BIRC3: variants seen among roughly 807,000 people sequenced by gnomAD.
BIRC3 encodes baculoviral IAP repeat-containing protein 3.
Under a neutral mutation model 59.0 loss-of-function variants are expected in BIRC3, and 26 were observed. The ratio of observed to expected loss-of-function variants is 0.44; its 90% CI spans 0.32 to 0.61. The LOEUF (loss-of-function observed/expected upper bound fraction) is 0.61, where lower values mean the gene tolerates loss of function less well. BIRC3 is among the 20% of genes least tolerant of loss of function. BIRC3 has a pLI of 0.04. For synonymous variants in BIRC3, 243 were observed against 249.2 expected (o/e 0.98, Z 0.24); for missense variants, 641 against 711.5 (o/e 0.90, Z 1.13).
rs1951230326 is a variant in BIRC3 at position 102,339,186 on chromosome 11, G to A, written c.*2084G>A. On this transcript the variant is annotated 3_prime_UTR_variant, in exon 9 of 9. Coordinates refer to ENST00000263464, the MANE Select transcript of BIRC3 (RefSeq NM_001165.5). ...AACTCAGGTATAGGGTATTTAAATA[G>A]TAGGCACCCTTTTTGCACCATGTGT... 1 of 194,388 alleles carries A rather than the reference G, an allele frequency of 5.1e-6. No individual in the cohort carries two copies. The highest frequency in any genetic ancestry group is 2.5e-5 in the African/African-American group (1 of 40,630). The allele number at this position is 194,388 out of a possible 1,614,324, so 12.0% of individuals were successfully genotyped here.
chr11:102,318,224 T>A (rs183117715), intron 1 of BIRC3, among the ~76,000 whole-genome samples: 2 of 152,238 alleles, frequency 1.3e-5, no homozygotes. Flanking sequence ...ATCATAATCT[T>A]AAGAAGCAGG....
Position 102,336,809 on chromosome 11 carries a change from T to C in BIRC3, c.1621+8T>C, listed in dbSNP as rs776253125. 3.1e-6 allele frequency: 5 copies of C among 1,604,162 alleles called. No homozygotes were observed. The South Asian group carries it at 5.6e-5, about 18-fold the overall frequency. ...CCACAGAAGATGTTTCAGGTAATAG[T>C]ACTAATATTTTAAATCAATAGAGAA... is the stretch of plus-strand genomic sequence containing the variant. On this transcript the variant is annotated splice_region_variant and intron_variant, in intron 8 of 8. Coordinates refer to ENST00000263464, the MANE Select transcript of BIRC3 (RefSeq NM_001165.5).
At chr11:102,320,311 A>G (rs1273880364) in intron 1 of BIRC3, 1 of 152,074 alleles carries the variant, frequency 6.6e-6, no homozygotes, top group African/African-American at 2.4e-5. Context: ...CCCAGTTTGG[A>G]GTGCAGTTAT....
At chr11:102,320,568 T>C (rs1302163656) in intron 1 of BIRC3, among the ~76,000 whole-genome samples, 2 of 152,206 alleles carry the variant, frequency 1.3e-5, no homozygotes, top group Non-Finnish European at 2.9e-5. Flanking sequence ...TGAGGCCTTG[T>C]GGGGTGTCTC....
Position 102,323,340 on chromosome 11 carries a change from G to T in BIRC3, c.-1170G>T, listed in dbSNP as rs1951049710. ...GAATATAGCAATGAAGTTCAGTTTT[G>T]TTATTGGTAGTTTGGGCAGAGTCTC... is the stretch of plus-strand genomic sequence containing the variant. On this transcript the variant is annotated 5_prime_UTR_variant, in exon 2 of 9. Coordinates refer to ENST00000263464, the MANE Select transcript of BIRC3 (RefSeq NM_001165.5). The T allele has an allele frequency of 5.2e-6, 1 of 192,930 alleles. No homozygotes were observed. Among genetic ancestry groups the T allele is most frequent in the Admixed American group, 6.1e-5 (1 of 16,346 alleles). The allele number at this position is 192,930 out of a possible 1,614,324, so 12.0% of individuals were successfully genotyped here.
At position 102,322,569 on chromosome 11, in the gene BIRC3, T is replaced by C. The variant is rs1951041606; in HGVS notation, c.-1941T>C. Reference sequence around the variant, plus strand: ...AAATTAATATAAAGACAGTGATGAATACAAAGAAGATTTTTATAACAATGT... The same window carrying C: ...AAATTAATATAAAGACAGTGATGAACACAAAGAAGATTTTTATAACAATGT... On this transcript the variant is annotated 5_prime_UTR_variant, in exon 2 of 9. Coordinates refer to ENST00000263464, the MANE Select transcript of BIRC3 (RefSeq NM_001165.5). 1 of 205,916 alleles carries C rather than the reference T, an allele frequency of 4.9e-6. No homozygotes were observed. Among genetic ancestry groups the C allele is most frequent in the East Asian group, 7.5e-5 (1 of 13,416 alleles). 12.8% of individuals were successfully genotyped at this position (205,916 alleles called of 1,614,324 possible). A position where few individuals can be genotyped will look rare whatever the true frequency, so the allele number is the denominator to read the frequency against.
rs1014989908 is a variant in BIRC3, at chr11:102,322,400, T to G, written c.-2110T>G. ...GAAGTAAAAAGATAAATGTGATGAT[T>G]GGTCAAGAAATTATCCAGTTATTTA... On this transcript the variant is annotated 5_prime_UTR_variant, in exon 2 of 9. The change creates a new upstream start codon in the 5' untranslated region. Transcript: ENST00000263464. The G allele has an allele frequency of 4.8e-6, 1 of 207,178 alleles. No individual in the cohort carries two copies. The highest frequency in any genetic ancestry group is 9.8e-6 in the Non-Finnish European group (1 of 101,576). The allele number at this position is 207,178 out of a possible 1,614,324, so 12.8% of individuals were successfully genotyped here.
intron 5 of BIRC3, among the ~76,000 whole-genome samples, chr11:102,329,851 G>A (rs941972302): frequency 7.9e-5 from 12 of 152,162 alleles, no homozygotes; most frequent in African/African-American, 2.4e-4. Flanking sequence ...ACGAGTTAAC[G>A]GGTGCAGCAC....
Position 102,337,721 on chromosome 11 carries a change from A to C in BIRC3, c.*619A>C, listed in dbSNP as rs1676704879. ...GTGAGAAAAAATTTAATAAAGCAAC[A>C]AAAATTACTCTTATTCTTCATTGCT... On this transcript the variant is annotated 3_prime_UTR_variant, in exon 9 of 9. Transcript: ENST00000263464. The C allele has an allele frequency of 3.8e-6, 1 of 264,508 alleles. No homozygotes were observed. The highest frequency in any genetic ancestry group is 1.7e-4 in the South Asian group (1 of 5,794). 16.4% of individuals were successfully genotyped at this position (264,508 alleles called of 1,614,324 possible).
In BIRC3 at chr11:102,318,315, C is replaced by T. The variant is rs151074954; in HGVS notation, c.-2674+744C>T. ...TGTGCAAGGTCATGCTTCTGGTTACCGGACTGCTTGGTATTGGGCACCCCC... is the reference window on the plus strand; with the variant it reads ...TGTGCAAGGTCATGCTTCTGGTTACTGGACTGCTTGGTATTGGGCACCCCC... On this transcript the variant is annotated intron_variant, in intron 1 of 8. Transcript: ENST00000263464. 5.3e-5 allele frequency among the ~76,000 whole-genome samples: 8 copies of T among 152,230 alleles called. No homozygotes were observed. The East Asian group carries it at 1.2e-3, about 22-fold the overall frequency.
chr11:102,331,026 A>G lies in BIRC3; in HGVS notation c.1109A>G (p.His370Arg), dbSNP rs745436136. Residue 370 changes from histidine to arginine, a missense_variant, in exon 6 of 9, where the codon CAT becomes CGT. His to Arg is a conservative substitution (Grantham distance 29). Transcript: ENST00000263464. ...SIIHFEPGED[H>R]SEDAIMMNTP... ...ATCCATTTTGAACCTGGAGAAGACC[A>G]TTCAGAAGATGCAATCATGATGAAT... 8.7e-6 allele frequency: 14 copies of G among 1,613,704 alleles called. No homozygotes were observed. Among genetic ancestry groups the G allele is most frequent in the Non-Finnish European group, 1.2e-5 (14 of 1,179,778 alleles).
In BIRC3 at chr11:102,338,509, G is replaced by A. The variant is rs1328432829; in HGVS notation, c.*1407G>A. The A allele has an allele frequency of 2.2e-5, 5 of 229,252 alleles. No individual in the cohort carries two copies. The highest frequency in any genetic ancestry group is 4.4e-5 in the African/African-American group (2 of 45,110). The allele number at this position is 229,252 out of a possible 1,614,324, so 14.2% of individuals were successfully genotyped here. A position where few individuals can be genotyped will look rare whatever the true frequency, so the allele number is the denominator to read the frequency against. On this transcript the variant is annotated 3_prime_UTR_variant, in exon 9 of 9. Transcript: ENST00000263464. Reference sequence around the variant, plus strand: ...ACTGTGCATTTTTATGCTTAGGTTTGATAATGAATGGACAGCCCTGAAGAA... The same window carrying A: ...ACTGTGCATTTTTATGCTTAGGTTTAATAATGAATGGACAGCCCTGAAGAA...
intron 5 of BIRC3, among the ~76,000 whole-genome samples, chr11:102,330,706 G>A (rs1362429224): frequency 6.6e-6 from 1 of 152,128 alleles, no homozygotes; most frequent in African/African-American, 2.4e-5. Context: ...CAATTCTAGT[G>A]GGAGGTAATC....
Position 102,337,127 on chromosome 11 carries a change from C to T in BIRC3, c.*25C>T, listed in dbSNP as rs757523003. 9 of 1,412,084 alleles carry T rather than the reference C, an allele frequency of 6.4e-6. No individual in the cohort carries two copies. Among genetic ancestry groups the T allele is most frequent in the Non-Finnish European group, 8.4e-6 (9 of 1,076,332 alleles). 87.5% of individuals were successfully genotyped at this position (1,412,084 alleles called of 1,614,324 possible). ...AAGAAGAACCAAAACATCGTCTAAA[C>T]TTTAGAATTAATTTATTAAATGTAT... On this transcript the variant is annotated 3_prime_UTR_variant, in exon 9 of 9. Coordinates refer to ENST00000263464, the MANE Select transcript of BIRC3 (RefSeq NM_001165.5).
chr11:102,336,173 GA>G lies in BIRC3; in HGVS notation c.1535del (p.Asn512ThrfsTer20). On this transcript the variant is annotated frameshift_variant, in exon 7 of 9. Transcript: ENST00000263464. LOFTEE classifies it high-confidence loss of function. ...GGAAATATTGCAGCCACTGTATTCA[GA>G]AACTCTCTGCAAGAAGCTGAAGCTG... ...VKGNIAATVF[R>X]NSLQEAEAVL... is the part of the protein sequence containing the mutation. The G allele has an allele frequency of 6.2e-7, 1 of 1,613,634 alleles. No homozygotes were observed. Among genetic ancestry groups the G allele is most frequent in the Non-Finnish European group, 8.5e-7 (1 of 1,179,790 alleles).
chr11:102,317,598 T>C (rs1306520088), intron 1 of BIRC3, 27 bp downstream of exon 1: 1 of 153,352 alleles, frequency 6.5e-6, no homozygotes. Flanking sequence ...GGTGTGTGTG[T>C]GTGTGTGTGT....
At chr11:102,320,705 A>G (rs1356466447) in intron 1 of BIRC3, among the ~76,000 whole-genome samples, 1 of 152,174 alleles carries the variant, frequency 6.6e-6, no homozygotes, top group African/African-American at 2.4e-5. Flanking sequence ...CATTTTTGTT[A>G]CTTTTGATGG....
rs753451261 is a variant in BIRC3 at position 102,328,890 on chromosome 11, T to TTTTC, written c.1033-7_1033-6insTTTC. The stretch of plus-strand genomic sequence containing the variant: ...TATATATATATATATATTTTTTTTT[T>TTTTC]CTGCAGCTGCTATCCACATCAGACA... On this transcript the variant is annotated splice_region_variant and splice_polypyrimidine_tract_variant and intron_variant, in intron 4 of 8. Coordinates refer to ENST00000263464, the MANE Select transcript of BIRC3 (RefSeq NM_001165.5). 2.4e-6 allele frequency: 3 copies of TTTTC among 1,247,824 alleles called. No individual in the cohort carries two copies. The highest frequency in any genetic ancestry group is 3.2e-5 in the African/African-American group (2 of 63,194). 77.3% of individuals were successfully genotyped at this position (1,247,824 alleles called of 1,614,324 possible). A position where few individuals can be genotyped will look rare whatever the true frequency, so the allele number is the denominator to read the frequency against.
intron 1 of BIRC3, among the ~76,000 whole-genome samples, chr11:102,321,171 T>C (rs1387086749): frequency 6.6e-6 from 1 of 152,188 alleles, no homozygotes; most frequent in African/African-American, 2.4e-5. Flanking sequence ...TGCACTGTAA[T>C]TAGGTAAGAT....
Sources: allele counts gnomAD v4.1 joint callset (sites outside exome capture counted in the v4.1 genomes callset), GRCh38; gene constraint gnomAD v4.1.1; transcripts MANE v1.5; gene names NCBI Gene and HGNC (gene_info 2026-07-23, HGNC 2026-07-21).